Variants in SH3GL2 observed in about 807,000 individuals in gnomAD.
The protein encoded by SH3GL2 is SH3 domain containing GRB2 like 2, endophilin A1, also known as endophilin-A1.
A neutral mutation model predicts 46.0 loss-of-function variants in SH3GL2; 24 were observed. That is an observed-to-expected ratio of 0.52 (90% CI 0.38 to 0.73). The LOEUF is 0.73. Ranked by LOEUF, SH3GL2 falls within the 30% of genes least tolerant of loss-of-function variation. The probability of loss-of-function intolerance (pLI) is 0.00; values close to 1 mark genes in which losing one functional copy is unlikely to be tolerated. For synonymous variants in SH3GL2, 196 were observed against 147.1 expected (o/e 1.33, Z -2.40); for missense variants, 413 against 424.2 (o/e 0.97, Z 0.23).
Position 17,793,514 on chromosome 9 carries a change from C to T in SH3GL2, c.859+17C>T. On this transcript the variant is annotated intron_variant, in intron 8 of 8. Coordinates refer to ENST00000380607, the MANE Select transcript of SH3GL2 (RefSeq NM_003026.5). ...AACCTTCAGGTAAGAGCTGAAACTG[C>T]AGATCCTATTGCATAGCCCTTGGCA... 2 of 1,612,196 alleles carry T rather than the reference C, an allele frequency of 1.2e-6. No homozygotes were observed. Among genetic ancestry groups the T allele is most frequent in the Non-Finnish European group, 1.7e-6 (2 of 1,179,168 alleles).
chr9:17,776,465 A>G (rs570264063), intron 3 of SH3GL2, among the ~76,000 whole-genome samples: 3 of 152,142 alleles, frequency 2.0e-5, no homozygotes, highest in African/African-American at 7.2e-5. Flanking sequence ...TTTCCTACAA[A>G]TGTCTGTCAC....
chr9:17,738,573 T>TAG lies in SH3GL2; in HGVS notation c.46-8492_46-8491insGA, dbSNP rs1251854075. On this transcript the variant is annotated intron_variant, in intron 1 of 8. Transcript: ENST00000380607. ...GTGTGTGTATATACATACATATATATATAGAGAGAGAGAGAGAGAGAATTT... is the reference window on the plus strand; with the variant it reads ...GTGTGTGTATATACATACATATATATAGATAGAGAGAGAGAGAGAGAGAATTT... 5.3e-4 allele frequency among the ~76,000 whole-genome samples: 25 copies of TAG among 47,412 alleles called. 1 individual carries two copies. The highest frequency in any genetic ancestry group is 1.9e-3 in the East Asian group (1 of 514). The allele number at this position is 47,412 out of a possible 152,430, so 31.1% of individuals were successfully genotyped here. A position where few individuals can be genotyped will look rare whatever the true frequency, so the allele number is the denominator to read the frequency against.
chr9:17,730,800 A>G lies in SH3GL2; in HGVS notation c.46-16266A>G, dbSNP rs531835154. On this transcript the variant is annotated intron_variant, in intron 1 of 8. Coordinates refer to ENST00000380607, the MANE Select transcript of SH3GL2 (RefSeq NM_003026.5). ...ATTGATGGTAATTCAACAAAGTGCA[A>G]AATTTTCAGGAAACTATAGTTCTTT... Among the ~76,000 whole-genome samples the G allele has an allele frequency of 1.0e-3, 156 of 152,242 alleles. 1 individual carries two copies. Among genetic ancestry groups the G allele is most frequent in the African/African-American group, 3.0e-3 (126 of 41,574 alleles).
At chr9:17,747,196 A>C (rs1822716098) in intron 2 of SH3GL2, 62 bp downstream of exon 2, 1 of 1,080,292 alleles carries the variant, frequency 9.3e-7, no homozygotes, top group African/African-American at 1.6e-5. Context: ...TAATTAGAGG[A>C]GAAGAGAAAA....
At chr9:17,669,903 A>G (rs143193061) in intron 1 of SH3GL2, among the ~76,000 whole-genome samples, 1,830 of 152,254 alleles carry the variant, frequency 0.012, 37 homozygotes, top group African/African-American at 0.042. Flanking sequence ...GGAGAAAGAA[A>G]AAGAACAGCT....
intron 1 of SH3GL2, among the ~76,000 whole-genome samples, chr9:17,704,995 A>G (rs752199616): frequency 3.3e-5 from 5 of 152,030 alleles, no homozygotes; most frequent in Non-Finnish European, 7.4e-5. Flanking sequence ...TTTGCAAACT[A>G]TGCATGCAAC....
intron 3 of SH3GL2, among the ~76,000 whole-genome samples, chr9:17,765,636 C>T (rs1823297623): frequency 6.6e-6 from 1 of 152,186 alleles, no homozygotes; most frequent in Non-Finnish European, 1.5e-5. Flanking sequence ...TGCCCTTTCC[C>T]CAACACCTTG....
chr9:17,678,156 G>C (rs565936229), intron 1 of SH3GL2, among the ~76,000 whole-genome samples: 6 of 152,158 alleles, frequency 3.9e-5, no homozygotes, highest in African/African-American at 1.4e-4. Flanking sequence ...ACCCAGTAAT[G>C]GGATTGCTGG....
At chr9:17,682,817 C>G (rs796100836) in intron 1 of SH3GL2, among the ~76,000 whole-genome samples, 1 of 152,058 alleles carries the variant, frequency 6.6e-6, no homozygotes. Context: ...CTCACATGCT[C>G]ATAGTTTGCA....
intron 1 of SH3GL2, among the ~76,000 whole-genome samples, chr9:17,586,008 A>G (rs1818370943): frequency 6.6e-6 from 1 of 152,232 alleles, no homozygotes; most frequent in Non-Finnish European, 1.5e-5. Flanking sequence ...AATAAAGACT[A>G]AAGAGAGCTA....
chr9:17,737,110 C>T (rs1032250858), intron 1 of SH3GL2, among the ~76,000 whole-genome samples: 3 of 151,924 alleles, frequency 2.0e-5, no homozygotes, highest in Non-Finnish European at 4.4e-5. Flanking sequence ...GAACAGAAAA[C>T]AAAACACCAC....
chr9:17,693,391 T>A (rs760992964), intron 1 of SH3GL2, among the ~76,000 whole-genome samples: 2 of 152,208 alleles, frequency 1.3e-5, no homozygotes, highest in Non-Finnish European at 2.9e-5. Flanking sequence ...GAAACAAAGA[T>A]GAACTAAATA....
intron 7 of SH3GL2, among the ~76,000 whole-genome samples, chr9:17,792,946 A>G (rs1824177465): frequency 6.6e-6 from 1 of 152,204 alleles, no homozygotes; most frequent in Non-Finnish European, 1.5e-5. Context: ...GTATATATTT[A>G]TGAGATACAT....
chr9:17,604,907 C>T (rs535148638), intron 1 of SH3GL2, among the ~76,000 whole-genome samples: 4 of 151,456 alleles, frequency 2.6e-5, no homozygotes, highest in African/African-American at 9.7e-5. Context: ...AAAAGTAGGT[C>T]GAGGACCTGC....
At chr9:17,587,257 C>A (rs1398116042) in intron 1 of SH3GL2, among the ~76,000 whole-genome samples, 2 of 152,036 alleles carry the variant, frequency 1.3e-5, no homozygotes, top group Non-Finnish European at 2.9e-5. Context: ...GTGAATGACT[C>A]CAGTGAGGAA....
At position 17,791,314 on chromosome 9, in the gene SH3GL2, C is replaced by G. The variant is rs747302487; in HGVS notation, c.708C>G (p.Val236=). Residue 236 remains valine, a synonymous_variant, in exon 7 of 9, where the codon GTC becomes GTG. Transcript: ENST00000380607. ...AGGCAGTCCAGATCCTGCAGCAAGT[C>G]ACGGTCAGACTGGAAGAAAGGTATT... ...HKQAVQILQQ[V]TVRLEERIRQ... 1 of 1,611,396 alleles carries G rather than the reference C, an allele frequency of 6.2e-7. No individual in the cohort carries two copies. Among genetic ancestry groups the G allele is most frequent in the Non-Finnish European group, 8.5e-7 (1 of 1,177,532 alleles).
In SH3GL2 at chr9:17,713,437, TC is replaced by T. The variant is rs1358244835; in HGVS notation, c.46-33628del. 7.9e-5 allele frequency among the ~76,000 whole-genome samples: 12 copies of T among 151,360 alleles called. No homozygotes were observed. The South Asian group carries it at 1.0e-3, about 13-fold the overall frequency. ...CTTTGAGCTTTATTATTTCCTTTCT[TC>T]TGCTTGCTTTGGTTTAATTTGCTTT... On this transcript the variant is annotated intron_variant, in intron 1 of 8. Coordinates refer to ENST00000380607, the MANE Select transcript of SH3GL2 (RefSeq NM_003026.5).
chr9:17,685,283 T>C (rs1330191615), intron 1 of SH3GL2, among the ~76,000 whole-genome samples: 1 of 152,128 alleles, frequency 6.6e-6, no homozygotes, highest in Non-Finnish European at 1.5e-5. Flanking sequence ...GAATTGGTGC[T>C]GCATTCTTGA....
At chr9:17,766,776 A>G (rs187834042) in intron 3 of SH3GL2, among the ~76,000 whole-genome samples, 173 of 152,304 alleles carry the variant, frequency 1.1e-3, no homozygotes, top group African/African-American at 4.0e-3. Flanking sequence ...CGCTGTGGCC[A>G]GTGGTGCCCG....
Sources: gnomAD v4.1 joint callset for allele counts (sites outside exome capture counted in the v4.1 genomes callset) on GRCh38, gnomAD v4.1.1 for gene constraint, MANE v1.5 for transcripts, NCBI Gene and HGNC (gene_info 2026-07-23, HGNC 2026-07-21) for gene names.